ASTN2: variants seen among roughly 807,000 people sequenced by gnomAD.
The protein encoded by ASTN2 is astrotactin 2.
In ASTN2, 54 loss-of-function variants were observed where a neutral mutation model predicts 139.8. The observed-to-expected ratio is 0.39, with a 90% CI of 0.31 to 0.48. The LOEUF (loss-of-function observed/expected upper bound fraction) is 0.48. ASTN2 is among the 20% of genes least tolerant of loss of function. The probability of loss-of-function intolerance (pLI) is 0.95; values close to 1 mark genes in which losing one functional copy is unlikely to be tolerated. For synonymous variants in ASTN2, 756 were observed against 719.5 expected (o/e 1.05, Z -0.81); for missense variants, 1,565 against 1,725.1 (o/e 0.91, Z 1.64).
At chr9:117,130,819 A>G (rs868360798) in intron 4 of ASTN2, among the ~76,000 whole-genome samples, 133 of 152,210 alleles carry the variant, frequency 8.7e-4, no homozygotes, top group African/African-American at 3.1e-3. Flanking sequence ...GAAGCCCAAT[A>G]TATAAACATA....
At chr9:117,048,527 GGCAGC>G (rs1191668694) in intron 5 of ASTN2, among the ~76,000 whole-genome samples, 1 of 152,164 alleles carries the variant, frequency 6.6e-6, no homozygotes, top group Non-Finnish European at 1.5e-5. Context: ...TAAAGCCACT[GGCAGC>G]TGACATGGAA....
chr9:117,157,835 T>C (rs1464794196), intron 3 of ASTN2, among the ~76,000 whole-genome samples: 1 of 152,010 alleles, frequency 6.6e-6, no homozygotes, highest in East Asian at 1.9e-4. Context: ...GTTTAGTCTG[T>C]ATAACATATA....
chr9:117,174,144 T>C (rs1830861461), intron 3 of ASTN2, among the ~76,000 whole-genome samples: 1 of 151,500 alleles, frequency 6.6e-6, no homozygotes, highest in Admixed American at 6.6e-5. Context: ...GATAGATAGA[T>C]AGATAGATAG....
At chr9:116,792,507 T>C (rs1364336607) in intron 13 of ASTN2, among the ~76,000 whole-genome samples, 1 of 152,166 alleles carries the variant, frequency 6.6e-6, no homozygotes, top group African/African-American at 2.4e-5. Context: ...ACCTGGGACT[T>C]AGCAGCCTGC....
chr9:117,213,492 T>C (rs969842045), intron 3 of ASTN2, among the ~76,000 whole-genome samples: 1 of 152,206 alleles, frequency 6.6e-6, no homozygotes, highest in Non-Finnish European at 1.5e-5. Context: ...AGATGATTGA[T>C]ATACTAATTA....
intron 1 of ASTN2, among the ~76,000 whole-genome samples, chr9:117,400,978 G>C (rs1373720377): frequency 6.6e-6 from 1 of 152,134 alleles, no homozygotes; most frequent in Non-Finnish European, 1.5e-5. Flanking sequence ...AGCTGCAAAA[G>C]AGGTAGGGAG....
intron 3 of ASTN2, among the ~76,000 whole-genome samples, chr9:117,178,494 T>C (rs1412477662): frequency 6.6e-6 from 1 of 152,150 alleles, no homozygotes; most frequent in Non-Finnish European, 1.5e-5. Flanking sequence ...GAGATATATG[T>C]CCAACAGGAG....
chr9:116,578,223 G>T (rs756913812), intron 19 of ASTN2, among the ~76,000 whole-genome samples: 1 of 152,140 alleles, frequency 6.6e-6, no homozygotes, highest in Non-Finnish European at 1.5e-5. Flanking sequence ...GAGACGACAG[G>T]ACAAGTGTCA....
intron 19 of ASTN2, among the ~76,000 whole-genome samples, chr9:116,542,625 T>C (rs1851921257): frequency 6.6e-6 from 1 of 152,192 alleles, no homozygotes; most frequent in South Asian, 2.1e-4. Flanking sequence ...AATGTTGTTT[T>C]AAGACTATTA....
intron 7 of ASTN2, among the ~76,000 whole-genome samples, chr9:116,982,712 C>G (rs112786951): frequency 6.6e-6 from 1 of 152,058 alleles, no homozygotes; most frequent in Non-Finnish European, 1.5e-5. Flanking sequence ...ACTATAGGCA[C>G]GTGCCATCAT....
rs1009698365 is a variant in ASTN2, at chr9:116,433,272, G to A, written c.3783-7184C>T. On this transcript the variant is annotated intron_variant, in intron 22 of 22. Coordinates refer to ENST00000313400, the MANE Select transcript of ASTN2 (RefSeq NM_001365068.1). ...TCAAAAAAATAAAACATTTACATAC[G>A]TATCTGTGGGTAAAAACTTGTAAAG... Among the ~76,000 whole-genome samples the A allele has an allele frequency of 2.6e-5, 4 of 152,246 alleles. No individual in the cohort carries two copies. In the East Asian group the frequency reaches 7.7e-4, roughly 29 times the overall value.
At chr9:116,974,711 G>A (rs1364644774) in intron 10 of ASTN2, among the ~76,000 whole-genome samples, 1 of 152,012 alleles carries the variant, frequency 6.6e-6, no homozygotes, top group Non-Finnish European at 1.5e-5. Flanking sequence ...GTTTCACCAT[G>A]TTGGCCAGGC....
At chr9:116,994,177 G>A (rs116665394) in intron 7 of ASTN2, among the ~76,000 whole-genome samples, 3,036 of 152,162 alleles carry the variant, frequency 0.02, 119 homozygotes, top group African/African-American at 0.07. Flanking sequence ...TGACAAATAT[G>A]TTCAGGTTTA....
chr9:116,581,316 C>T (rs1853941797), intron 19 of ASTN2, among the ~76,000 whole-genome samples: 1 of 152,080 alleles, frequency 6.6e-6, no homozygotes, highest in South Asian at 2.1e-4. Context: ...CTGCCATTTA[C>T]CACCACCATG....
At chr9:116,716,774 G>A (rs1190396480) in intron 16 of ASTN2, among the ~76,000 whole-genome samples, 2 of 152,146 alleles carry the variant, frequency 1.3e-5, no homozygotes, top group Non-Finnish European at 2.9e-5. Context: ...ATGCAGCCCT[G>A]AAGCTAAGAT....
intron 1 of ASTN2, among the ~76,000 whole-genome samples, chr9:117,309,206 C>T (rs1827887662): frequency 6.6e-6 from 1 of 152,220 alleles, no homozygotes; most frequent in Non-Finnish European, 1.5e-5. Flanking sequence ...CATTCAGACT[C>T]CCTCAGCTGT....
chr9:116,993,618 GTATC>G (rs1836922642), intron 7 of ASTN2, among the ~76,000 whole-genome samples: 1 of 148,134 alleles, frequency 6.8e-6, no homozygotes, highest in South Asian at 2.1e-4. Flanking sequence ...ACTATATACA[GTATC>G]TATATATAGT....
intron 11 of ASTN2, among the ~76,000 whole-genome samples, chr9:116,842,333 C>T (rs79582166): frequency 6.6e-6 from 1 of 152,074 alleles, no homozygotes; most frequent in South Asian, 2.1e-4. Context: ...CTTTTTTAAT[C>T]CCCACAAAAC....
chr9:117,294,039 C>T (rs1421542834), intron 1 of ASTN2, among the ~76,000 whole-genome samples: 1 of 152,234 alleles, frequency 6.6e-6, no homozygotes, highest in African/African-American at 2.4e-5. Context: ...GCTCCTAGCA[C>T]TCTCTCCAGC....
Sources: gnomAD v4.1 joint callset for allele counts (sites outside exome capture counted in the v4.1 genomes callset) on GRCh38, gnomAD v4.1.1 for gene constraint, MANE v1.5 for transcripts, NCBI Gene and HGNC (gene_info 2026-07-23, HGNC 2026-07-21) for gene names.